ZNF704: variants seen among roughly 807,000 people sequenced by gnomAD.
ZNF704 encodes glucocorticoid induced gene 1.
Under a neutral mutation model 44.7 loss-of-function variants are expected in ZNF704, and 10 were observed. That is an observed-to-expected ratio of 0.22 (90% CI 0.14 to 0.38). The LOEUF (loss-of-function observed/expected upper bound fraction) is 0.38, where lower values mean the gene tolerates loss of function less well. ZNF704 is among the 10% of genes least tolerant of loss of function. The pLI, the probability that ZNF704 is intolerant of heterozygous loss-of-function variation, is 1.00. For synonymous variants in ZNF704, 211 were observed against 207.6 expected, an observed-to-expected ratio of 1.02 and a Z score of -0.14; for missense variants, 390 against 545.5, an observed-to-expected ratio of 0.71 and a Z score of 2.84.
intron 1 of ZNF704, among the ~76,000 whole-genome samples, chr8:80,836,559 C>T (rs544986748): frequency 6.6e-6 from 1 of 152,288 alleles, no homozygotes; most frequent in South Asian, 2.1e-4. Flanking sequence ...AGGTGGATCA[C>T]TTGAGCTCAA....
intron 2 of ZNF704, among the ~76,000 whole-genome samples, chr8:80,721,257 G>C (rs1255893365): frequency 6.6e-6 from 1 of 152,150 alleles, no homozygotes; most frequent in East Asian, 1.9e-4. Flanking sequence ...ATTTTGGAAT[G>C]ATGTGGTAAC....
At chr8:80,770,293 G>A (rs935527641) in intron 2 of ZNF704, among the ~76,000 whole-genome samples, 3 of 152,116 alleles carry the variant, frequency 2.0e-5, no homozygotes, top group African/African-American at 2.4e-5. Context: ...GATTCCTCAC[G>A]ATGTCCTATT....
intron 1 of ZNF704, among the ~76,000 whole-genome samples, chr8:80,839,799 CTTCCTGCCTGTG>C (rs370185042): frequency 2.3e-4 from 35 of 151,752 alleles, no homozygotes; most frequent in African/African-American, 7.5e-4. Context: ...TCCTGCCTGT[CTTCCTGCCTGTG>C]GGCTCTGGGC....
In ZNF704 at chr8:80,831,106, G is replaced by A. The variant is rs570985222; in HGVS notation, c.-21-9491C>T. 2.6e-3 allele frequency among the ~76,000 whole-genome samples: 402 copies of A among 152,188 alleles called. 4 individuals are homozygous for A. Among genetic ancestry groups the A allele is most frequent in the Non-Finnish European group, 4.8e-3 (324 of 68,010 alleles). ...GAAACAAAAATTTGGAAATTGTGATGCAAAGAGATAGCCACCAAGTCTATG... is the reference window on the plus strand; with the variant it reads ...GAAACAAAAATTTGGAAATTGTGATACAAAGAGATAGCCACCAAGTCTATG... On this transcript the variant is annotated intron_variant, in intron 1 of 8. Coordinates refer to ENST00000327835, the MANE Select transcript of ZNF704 (RefSeq NM_001033723.3).
chr8:80,791,300 T>A (rs186310335), intron 2 of ZNF704, among the ~76,000 whole-genome samples: 66 of 152,270 alleles, frequency 4.3e-4, no homozygotes, highest in Admixed American at 3.1e-3. Flanking sequence ...CATGCAAAGG[T>A]GAGGTGGAGT....
chr8:80,800,656 G>C (rs1247790431), intron 2 of ZNF704, among the ~76,000 whole-genome samples: 1 of 152,092 alleles, frequency 6.6e-6, no homozygotes, highest in Non-Finnish European at 1.5e-5. Flanking sequence ...GAGCTTCTGA[G>C]GGAAGCACTA....
At chr8:80,820,617 AG>A (rs1808253075) in intron 2 of ZNF704, among the ~76,000 whole-genome samples, 2 of 152,250 alleles carry the variant, frequency 1.3e-5, no homozygotes, top group Admixed American at 1.3e-4. Flanking sequence ...TTAAAAAGGC[AG>A]GCCAGGCACA....
chr8:80,724,527 A>G (rs1246452574), intron 2 of ZNF704, among the ~76,000 whole-genome samples: 1 of 152,032 alleles, frequency 6.6e-6, no homozygotes, highest in Non-Finnish European at 1.5e-5. Context: ...AACTCTCGAT[A>G]CTCACGGATG....
At position 80,629,262 on chromosome 8, in the gene ZNF704, TCAGA is replaced by T. The variant is rs1817547934; in HGVS notation, c.*12100_*12103del. The T allele has an allele frequency of 6.6e-6, 1 of 152,218 alleles. No homozygotes were observed. The highest frequency in any genetic ancestry group is 2.4e-5 in the African/African-American group (1 of 41,450). The allele number at this position is 152,218 out of a possible 1,614,324, so 9.4% of individuals were successfully genotyped here. Reference sequence around the variant, plus strand: ...GAACCTCCACAGGCTGTATTTACAGTCAGACAGGTATTCAGAAATGTGTATCAGA... The same window carrying T: ...GAACCTCCACAGGCTGTATTTACAGTCAGGTATTCAGAAATGTGTATCAGA... On this transcript the variant is annotated 3_prime_UTR_variant, in exon 9 of 9. Coordinates refer to ENST00000327835, the MANE Select transcript of ZNF704 (RefSeq NM_001033723.3).
chr8:80,717,882 A>G (rs1819096786), intron 2 of ZNF704, among the ~76,000 whole-genome samples: 1 of 152,212 alleles, frequency 6.6e-6, no homozygotes, highest in African/African-American at 2.4e-5. Context: ...GCCATTCATC[A>G]GCTAATTCCC....
At chr8:80,803,995 A>C (rs1807944725) in intron 2 of ZNF704, among the ~76,000 whole-genome samples, 1 of 152,168 alleles carries the variant, frequency 6.6e-6, no homozygotes, top group Admixed American at 6.5e-5. Flanking sequence ...AGAAACAAAA[A>C]AATCCATTAA....
At chr8:80,718,991 G>T (rs552051648) in intron 2 of ZNF704, among the ~76,000 whole-genome samples, 1 of 151,866 alleles carries the variant, frequency 6.6e-6, no homozygotes, top group South Asian at 2.1e-4. Context: ...TTGAGACAGG[G>T]TCTCACTCTG....
At chr8:80,855,776 TA>T (rs1286323526) in intron 1 of ZNF704, among the ~76,000 whole-genome samples, 30 of 152,002 alleles carry the variant, frequency 2.0e-4, no homozygotes, top group Admixed American at 1.9e-3. Flanking sequence ...TTTACACAAA[TA>T]AAAAAATAAA....
At chr8:80,872,466 C>T (rs891487808) in intron 1 of ZNF704, among the ~76,000 whole-genome samples, 2 of 152,070 alleles carry the variant, frequency 1.3e-5, no homozygotes, top group African/African-American at 2.4e-5. Flanking sequence ...TTTTAGTGGT[C>T]TCTAACTATT....
chr8:80,799,011 T>A (rs2129784483), intron 2 of ZNF704, among the ~76,000 whole-genome samples: 1 of 152,278 alleles, frequency 6.6e-6, no homozygotes, highest in African/African-American at 2.4e-5. Flanking sequence ...TCTGTCTTCC[T>A]CTCCTTATAA....
intron 6 of ZNF704, among the ~76,000 whole-genome samples, chr8:80,663,668 C>A (rs531034393): frequency 5.3e-5 from 8 of 152,194 alleles, no homozygotes; most frequent in Non-Finnish European, 1.2e-4. Flanking sequence ...GAAGGCAGGG[C>A]ATGAAGTCCC....
At chr8:80,834,147 T>C (rs1227820377) in intron 1 of ZNF704, among the ~76,000 whole-genome samples, 1 of 152,048 alleles carries the variant, frequency 6.6e-6, no homozygotes, top group Non-Finnish European at 1.5e-5. Context: ...TGAGCCGTGA[T>C]TGTGCCACTG....
intron 2 of ZNF704, among the ~76,000 whole-genome samples, chr8:80,746,604 C>G (rs1412138777): frequency 2.0e-5 from 3 of 152,136 alleles, no homozygotes; most frequent in African/African-American, 7.2e-5. Flanking sequence ...GGGTATTACA[C>G]TAAGTTTGGC....
chr8:80,763,683 C>T (rs1807170986), intron 2 of ZNF704, among the ~76,000 whole-genome samples: 1 of 152,224 alleles, frequency 6.6e-6, no homozygotes, highest in Non-Finnish European at 1.5e-5. Flanking sequence ...TTCGGCTCCT[C>T]ATTACCTATG....
Sources: gnomAD v4.1 joint callset for allele counts (sites outside exome capture counted in the v4.1 genomes callset) on GRCh38, gnomAD v4.1.1 for gene constraint, MANE v1.5 for transcripts, NCBI Gene and HGNC (gene_info 2026-07-23, HGNC 2026-07-21) for gene names.